The following GNPAT variants were observed in gnomAD, a reference collection of about 807,000 sequenced individuals.
The protein encoded by GNPAT is glyceronephosphate O-acyltransferase, also known as dihydroxyacetone phosphate acyltransferase.
A neutral mutation model predicts 78.4 loss-of-function variants in GNPAT; 30 were observed. The ratio of observed to expected loss-of-function variants is 0.38; its 90% CI spans 0.29 to 0.52. GNPAT has a LOEUF of 0.52. GNPAT is among the 20% of genes least tolerant of loss of function. GNPAT has a pLI of 0.84. For synonymous variants in GNPAT, 271 were observed against 281.1 expected (o/e 0.96, Z 0.36); for missense variants, 714 against 812.2 (o/e 0.88, Z 1.47).
intron 4 of GNPAT, among the ~76,000 whole-genome samples, chr1:231,264,108 A>G (rs984059596): frequency 2.0e-5 from 3 of 152,118 alleles, no homozygotes; most frequent in East Asian, 1.9e-4. Context: ...CAATTGATCT[A>G]TTTGTTTCTT....
At chr1:231,251,967 G>T (rs1457252564) in intron 2 of GNPAT, among the ~76,000 whole-genome samples, 1 of 152,206 alleles carries the variant, frequency 6.6e-6, no homozygotes, top group South Asian at 2.1e-4. Context: ...GCAAAGAAGG[G>T]ATGATAATAA....
At chr1:231,250,077 C>T (rs889423184) in intron 1 of GNPAT, among the ~76,000 whole-genome samples, 3 of 124,620 alleles carry the variant, frequency 2.4e-5, no homozygotes, top group Non-Finnish European at 3.3e-5. Flanking sequence ...AAGACTGTAC[C>T]TCTTTATTAT....
At chr1:231,275,529 C>T in intron 14 of GNPAT, 31 bp downstream of exon 14, 2 of 1,156,650 alleles carry the variant, frequency 1.7e-6, no homozygotes, top group Non-Finnish European at 2.6e-6. Flanking sequence ...CATGAGTGCT[C>T]AAGGAACAAG....
chr1:231,270,744 G>A lies in GNPAT; in HGVS notation c.1280-14G>A, dbSNP rs1024878893. ...GTGACCCATCTTGTTTGAATGAATT[G>A]TCTTTGTGTGTAGATAATAAACCTG... On this transcript the variant is annotated splice_polypyrimidine_tract_variant and intron_variant, in intron 9 of 15. Transcript: ENST00000366647. The A allele has an allele frequency of 1.2e-6, 2 of 1,613,998 alleles. No homozygotes were observed. Among genetic ancestry groups the A allele is most frequent in the Non-Finnish European group, 1.7e-6 (2 of 1,179,870 alleles).
chr1:231,266,085 A>T lies in GNPAT; in HGVS notation c.844A>T (p.Ile282Phe). 1 of 1,611,210 alleles carries T rather than the reference A, an allele frequency of 6.2e-7. No individual in the cohort carries two copies. The highest frequency in any genetic ancestry group is 1.1e-5 in the South Asian group (1 of 91,008). Reference protein sequence around the residue: ...VFDTYLVPISISYDKILEETL... With the variant: ...VFDTYLVPISFSYDKILEETL... ...TGATACCTACCTTGTCCCAATTAGT[A>T]TCAGTTATGATAAGATCTTGGAAGA... The change falls in exon 7 of 16, where the codon ATC (isoleucine) becomes TTC (phenylalanine). Residue 282 changes from isoleucine (I) to phenylalanine (F), a missense_variant. Coordinates refer to ENST00000366647, the MANE Select transcript of GNPAT (RefSeq NM_014236.4).
chr1:231,257,528 T>G (rs767901541), intron 2 of GNPAT, among the ~76,000 whole-genome samples: 6 of 152,222 alleles, frequency 3.9e-5, no homozygotes, highest in Non-Finnish European at 8.8e-5. Context: ...TTCTGTGACA[T>G]CTGGTTTTAT....
intron 2 of GNPAT, among the ~76,000 whole-genome samples, chr1:231,256,101 A>C (rs147020632): frequency 6.6e-6 from 1 of 152,288 alleles, no homozygotes; most frequent in Admixed American, 6.5e-5. Context: ...CCAGAATTTT[A>C]AGTACTTTCC....
At chr1:231,268,774 C>T (rs13375427) in intron 9 of GNPAT, among the ~76,000 whole-genome samples, 1,758 of 150,986 alleles carry the variant, frequency 0.012, 41 homozygotes, top group African/African-American at 0.041. Context: ...GGCATGGTGG[C>T]GTGCACCTGT....
At chr1:231,267,542 ATAC>A (rs1685425817) in intron 8 of GNPAT, 135 bp from the exon 9 acceptor site, 2 of 724,600 alleles carry the variant, frequency 2.8e-6, no homozygotes, top group Non-Finnish European at 5.0e-6. Flanking sequence ...AAGCAAAGGA[ATAC>A]TGTTTGCACC....
Position 231,270,809 on chromosome 1 carries a change from A to G in GNPAT, c.1331A>G (p.Asn444Ser), listed in dbSNP as rs1571955388. The G allele has an allele frequency of 3.7e-6, 6 of 1,614,072 alleles. No homozygotes were observed. Among genetic ancestry groups the G allele is most frequent in the Non-Finnish European group, 5.1e-6 (6 of 1,179,948 alleles). The change falls in exon 10 of 16, where the codon AAC becomes AGC. Residue 444 changes from asparagine (N) to serine (S), a missense_variant. Transcript: ENST00000366647. Reference protein sequence around the residue: ...VVPASILLHSNIASLVKDQVI... With the variant: ...VVPASILLHSSIASLVKDQVI... ...CCGGCCAGCATTCTTCTGCATTCCA[A>G]CATTGCCAGCCTTGTCAAAGACCAG...
At chr1:231,274,273 C>A (rs1558339673) in intron 12 of GNPAT, among the ~76,000 whole-genome samples, 1 of 152,278 alleles carries the variant, frequency 6.6e-6, no homozygotes, top group South Asian at 2.1e-4. Context: ...ATTACAGACC[C>A]AAGAGGACAA....
At chr1:231,268,093 G>T (rs1360204200) in intron 9 of GNPAT, among the ~76,000 whole-genome samples, 190 bp downstream of exon 9, 2 of 151,848 alleles carry the variant, frequency 1.3e-5, no homozygotes, top group Non-Finnish European at 2.9e-5. Flanking sequence ...ACGAGGTCAG[G>T]AGATTGAGAC....
chr1:231,275,806 A>T (rs1406655424), intron 14 of GNPAT, among the ~76,000 whole-genome samples: 1 of 152,254 alleles, frequency 6.6e-6, no homozygotes, highest in Non-Finnish European at 1.5e-5. Flanking sequence ...ATGAGTGTAG[A>T]CACACATAAA....
Position 231,272,378 on chromosome 1 carries a change from GA to G in GNPAT, c.1592del (p.Asn531ThrfsTer3). On this transcript the variant is annotated frameshift_variant, in exon 11 of 16. Transcript: ENST00000366647. LOFTEE classifies it high-confidence loss of function. ...GCAGATGAGTTCATCTTCCTTCCAGGAAACACACTAAAGGTAAAGTGCTTAC... is the reference window on the plus strand; with the variant it reads ...GCAGATGAGTTCATCTTCCTTCCAGGAACACACTAAAGGTAAAGTGCTTAC... ...VFADEFIFLPGNTLKDFEEGC... is the reference protein window; with the variant it reads ...VFADEFIFLPXNTLKDFEEGC... The G allele has an allele frequency of 6.4e-7, 1 of 1,567,314 alleles. No homozygotes were observed. Among genetic ancestry groups the G allele is most frequent in the Non-Finnish European group, 8.8e-7 (1 of 1,138,338 alleles).
chr1:231,268,689 C>T (rs1571953171), intron 9 of GNPAT, among the ~76,000 whole-genome samples: 1 of 151,396 alleles, frequency 6.6e-6, no homozygotes, highest in African/African-American at 2.4e-5. Flanking sequence ...GGGCGGATCA[C>T]GAGGTCAGCA....
chr1:231,260,653 G>T lies in GNPAT; in HGVS notation c.408G>T (p.Lys136Asn). 6.2e-7 allele frequency: 1 copy of T among 1,612,200 alleles called. No individual in the cohort carries two copies. Among genetic ancestry groups the T allele is most frequent in the South Asian group, 1.1e-5 (1 of 91,022 alleles). ...LSKVFKQIFSKVCVNEEGIQK... is the reference protein window; with the variant it reads ...LSKVFKQIFSNVCVNEEGIQK... ...AAGTATTTAAACAAATTTTCTCGAA[G>T]GTGTGTGTAAATGAAGAAGGTATTC... The change falls in exon 3 of 16, where the codon AAG (lysine) becomes AAT (asparagine). Residue 136 changes from lysine (K) to asparagine (N), a missense_variant. Transcript: ENST00000366647.
Position 231,275,507 on chromosome 1 carries a change from T to C in GNPAT, c.1937+9T>C. 1 of 1,497,864 alleles carries C rather than the reference T, an allele frequency of 6.7e-7. No homozygotes were observed. The highest frequency in any genetic ancestry group is 9.3e-7 in the Non-Finnish European group (1 of 1,073,630). 92.8% of individuals were successfully genotyped at this position (1,497,864 alleles called of 1,614,324 possible). A position where few individuals can be genotyped will look rare whatever the true frequency, so the allele number is the denominator to read the frequency against. On this transcript the variant is annotated intron_variant, in intron 14 of 15. Coordinates refer to ENST00000366647, the MANE Select transcript of GNPAT (RefSeq NM_014236.4). ...GTGGAGAAGAAGAAGATGTAAGTAC[T>C]GTACAAGATCCCATGAGTGCTCAAG...
chr1:231,266,217 C>A, intron 7 of GNPAT, 52 bp downstream of exon 7: 2 of 1,612,138 alleles, frequency 1.2e-6, no homozygotes, highest in Non-Finnish European at 1.7e-6. Context: ...ACTGACACAT[C>A]AACTAATTTC....
rs1247295537 is a variant in GNPAT at position 231,277,577 on chromosome 1, T to G, written c.*35T>G. ...AATAGTTATGGAAAATTCGGTCACG[T>G]AATTACTCTCATCGAAGGACTCATT... is the stretch of plus-strand genomic sequence containing the variant. On this transcript the variant is annotated 3_prime_UTR_variant, in exon 16 of 16. Transcript: ENST00000366647. The G allele has an allele frequency of 3.1e-6, 4 of 1,299,874 alleles. No homozygotes were observed. The African/African-American group carries it at 5.8e-5, about 19-fold the overall frequency. The allele number at this position is 1,299,874 out of a possible 1,614,324, so 80.5% of individuals were successfully genotyped here. A position where few individuals can be genotyped will look rare whatever the true frequency, so the allele number is the denominator to read the frequency against.
Sources: allele counts gnomAD v4.1 joint callset (sites outside exome capture counted in the v4.1 genomes callset), GRCh38; gene constraint gnomAD v4.1.1; transcripts MANE v1.5; gene names NCBI Gene and HGNC (gene_info 2026-07-23, HGNC 2026-07-21).